ZMIZ1: variants seen among roughly 807,000 people sequenced by gnomAD.
ZMIZ1 encodes zinc finger MIZ-type containing 1.
A neutral mutation model predicts 113.9 loss-of-function variants in ZMIZ1; 17 were observed. That is an observed-to-expected ratio of 0.15 (90% CI 0.10 to 0.22). The LOEUF (loss-of-function observed/expected upper bound fraction) is 0.22, where lower values mean the gene tolerates loss of function less well. Among genes scored for constraint, ZMIZ1 ranks in the 10% least tolerant of loss-of-function variants. The pLI is 1.00. For missense variants in ZMIZ1, 1,059 were observed against 1,477.8 expected (o/e 0.72, Z 4.65); for synonymous variants, 607 against 603.1 (o/e 1.01, Z -0.09).
chr10:79,121,358 G>A (rs1362608625), intron 2 of ZMIZ1, among the ~76,000 whole-genome samples: 2 of 152,194 alleles, frequency 1.3e-5, no homozygotes, highest in Non-Finnish European at 2.9e-5. Flanking sequence ...CTCCTTCCCA[G>A]AGAGCCCCTC....
chr10:79,234,982 G>A (rs1227920128), intron 7 of ZMIZ1, among the ~76,000 whole-genome samples: 2 of 152,256 alleles, frequency 1.3e-5, no homozygotes, highest in Admixed American at 6.5e-5. Context: ...TTTCCAGGTA[G>A]CATCTGTCTC....
intron 4 of ZMIZ1, among the ~76,000 whole-genome samples, chr10:79,188,538 T>C (rs919493837): frequency 1.3e-5 from 2 of 152,202 alleles, no homozygotes; most frequent in African/African-American, 4.8e-5. Context: ...TTTCTGTGGC[T>C]TCTCTTCGCA....
intron 7 of ZMIZ1, among the ~76,000 whole-genome samples, chr10:79,216,622 A>G (rs1848742307): frequency 6.6e-6 from 1 of 152,116 alleles, no homozygotes; most frequent in Non-Finnish European, 1.5e-5. Context: ...TCCCCATTTT[A>G]CACATGAGGA....
At chr10:79,239,846 G>A (rs1342510304) in intron 7 of ZMIZ1, among the ~76,000 whole-genome samples, 1 of 152,164 alleles carries the variant, frequency 6.6e-6, no homozygotes, top group Non-Finnish European at 1.5e-5. Context: ...GAGCCCTGGA[G>A]AAGGCCCCTG....
intron 2 of ZMIZ1, among the ~76,000 whole-genome samples, chr10:79,122,234 G>A (rs1214218246): frequency 2.0e-5 from 3 of 152,088 alleles, no homozygotes; most frequent in South Asian, 2.1e-4. Context: ...GCCAATGAGC[G>A]ATGGTACCCT....
intron 2 of ZMIZ1, among the ~76,000 whole-genome samples, chr10:79,136,842 A>T (rs1486563222): frequency 1.3e-5 from 2 of 152,150 alleles, no homozygotes; most frequent in Non-Finnish European, 2.9e-5. Context: ...GCACATGAAG[A>T]TTAGGCATCC....
chr10:79,252,943 A>G (rs958513573), intron 7 of ZMIZ1, among the ~76,000 whole-genome samples: 1 of 152,208 alleles, frequency 6.6e-6, no homozygotes, highest in South Asian at 2.1e-4. Flanking sequence ...CAACATATAC[A>G]TGTAATATAT....
intron 7 of ZMIZ1, among the ~76,000 whole-genome samples, chr10:79,235,169 G>A (rs1010270434): frequency 1.3e-5 from 2 of 152,218 alleles, no homozygotes; most frequent in South Asian, 4.1e-4. Context: ...CCTGGAGGTG[G>A]GGGACACCTG....
intron 8 of ZMIZ1, among the ~76,000 whole-genome samples, chr10:79,286,090 C>T (rs1853059510): frequency 1.3e-5 from 2 of 152,166 alleles, no homozygotes; most frequent in South Asian, 4.1e-4. Context: ...GCAGGCCATG[C>T]TGGATTAGGG....
intron 4 of ZMIZ1, among the ~76,000 whole-genome samples, chr10:79,168,954 C>T (rs963751704): frequency 4.6e-5 from 7 of 152,208 alleles, no homozygotes; most frequent in Admixed American, 6.5e-5. Context: ...CATCTGCCTC[C>T]CCCATTAAGT....
intron 5 of ZMIZ1, among the ~76,000 whole-genome samples, chr10:79,207,922 C>G (rs932567782): frequency 7.9e-5 from 12 of 151,862 alleles, no homozygotes; most frequent in Admixed American, 6.6e-4. Context: ...TCCCGGAACC[C>G]TGCAGGGATC....
In ZMIZ1 at chr10:79,306,185, C is replaced by T; in HGVS notation, c.2509C>T (p.Pro837Ser). 6.2e-7 allele frequency: 1 copy of T among 1,614,150 alleles called. No homozygotes were observed. Among genetic ancestry groups the T allele is most frequent in the Admixed American group, 1.7e-5 (1 of 60,026 alleles). Residue 837 changes from proline to serine, a missense_variant, in exon 22 of 25, where the codon CCT becomes TCT. Transcript: ENST00000334512. ...GTCGGACTTACACATCAAGGACGAC[C>T]CTGATGGCATCCCCTCCAAGCGGTT... ...IKSDLHIKDD[P>S]DGIPSKRFKT...
intron 7 of ZMIZ1, among the ~76,000 whole-genome samples, chr10:79,265,144 C>A (rs1204582295): frequency 6.6e-6 from 1 of 152,176 alleles, no homozygotes; most frequent in African/African-American, 2.4e-5. Flanking sequence ...CAGCTCCTGA[C>A]AACCCGGGCA....
chr10:79,311,233 G>T, intron 24 of ZMIZ1, 49 bp downstream of exon 24: 1 of 1,558,996 alleles, frequency 6.4e-7, no homozygotes, highest in South Asian at 1.2e-5. Flanking sequence ...GCCTGGCGCC[G>T]GGACCTGCCC....
At chr10:79,245,132 C>T (rs1349627482) in intron 7 of ZMIZ1, among the ~76,000 whole-genome samples, 1 of 152,220 alleles carries the variant, frequency 6.6e-6, no homozygotes, top group African/African-American at 2.4e-5. Context: ...GGAAGCGCAG[C>T]CTGCACAGAG....
At chr10:79,165,928 G>A (rs1168269680) in intron 4 of ZMIZ1, among the ~76,000 whole-genome samples, 3 of 150,342 alleles carry the variant, frequency 2.0e-5, no homozygotes, top group Non-Finnish European at 4.4e-5. Flanking sequence ...TCTGGCCTTG[G>A]CCTCCAAGCC....
chr10:79,308,264 C>T lies in ZMIZ1; in HGVS notation c.2835+693C>T, dbSNP rs2132097837. 1.3e-5 allele frequency among the ~76,000 whole-genome samples: 2 copies of T among 152,296 alleles called. 1 individual carries two copies. Among genetic ancestry groups the T allele is most frequent in the South Asian group, 4.1e-4 (2 of 4,828 alleles). On this transcript the variant is annotated intron_variant, in intron 23 of 24. Coordinates refer to ENST00000334512, the MANE Select transcript of ZMIZ1 (RefSeq NM_020338.4). ...TTTTTTGAGCTGTGCTCTGCGCAGG[C>T]CATGTGACAGGTGTAAGCAAGACAG...
intron 7 of ZMIZ1, among the ~76,000 whole-genome samples, chr10:79,243,254 C>T (rs2132844156): frequency 6.6e-6 from 1 of 150,536 alleles, no homozygotes; most frequent in South Asian, 2.1e-4. Flanking sequence ...TTCTCCGGCG[C>T]GCCCCGTGCG....
At chr10:79,191,971 C>T (rs1430359595) in intron 4 of ZMIZ1, among the ~76,000 whole-genome samples, 2 of 152,230 alleles carry the variant, frequency 1.3e-5, no homozygotes, top group African/African-American at 4.8e-5. Context: ...GTACCTCTTT[C>T]CACTCTGAGG....
Sources: gnomAD v4.1 joint callset for allele counts (sites outside exome capture counted in the v4.1 genomes callset) on GRCh38, gnomAD v4.1.1 for gene constraint, MANE v1.5 for transcripts, NCBI Gene and HGNC (gene_info 2026-07-23, HGNC 2026-07-21) for gene names.